SCN11A: variants seen among roughly 807,000 people sequenced by gnomAD.
The protein encoded by SCN11A is sodium voltage-gated channel alpha subunit 11.
A neutral mutation model predicts 162.2 loss-of-function variants in SCN11A; 122 were observed. The observed-to-expected ratio is 0.75, with a 90% CI of 0.65 to 0.87. The LOEUF is 0.87. Ranked by LOEUF, SCN11A falls within the 40% of genes least tolerant of loss-of-function variation. The pLI, the probability that SCN11A is intolerant of heterozygous loss-of-function variation, is 0.00. For synonymous variants in SCN11A, 758 were observed against 751.5 expected (o/e 1.01, Z -0.14); for missense variants, 2,015 against 2,181.6 (o/e 0.92, Z 1.52).
chr3:38,886,382 C>T (rs1326660526), intron 19 of SCN11A, 144 bp from the exon 20 acceptor site: 2 of 486,592 alleles, frequency 4.1e-6, no homozygotes, highest in South Asian at 5.0e-5. Flanking sequence ...TTAGAAACTG[C>T]TCCTGGAAAA....
At chr3:38,981,165 G>A (rs945111139) in intron 2 of SCN11A, among the ~76,000 whole-genome samples, 1 of 152,186 alleles carries the variant, frequency 6.6e-6, no homozygotes, top group African/African-American at 2.4e-5. Context: ...TACAGTTTAT[G>A]CTGTGGTTCT....
chr3:38,916,089 T>C (rs1356823198), intron 11 of SCN11A, among the ~76,000 whole-genome samples: 1 of 152,212 alleles, frequency 6.6e-6, no homozygotes, highest in Admixed American at 6.5e-5. Flanking sequence ...TCTTTGTTGG[T>C]TTAAAGTCTG....
intron 7 of SCN11A, among the ~76,000 whole-genome samples, chr3:38,932,261 C>G (rs2066252464): frequency 1.3e-5 from 2 of 152,216 alleles, no homozygotes; most frequent in Admixed American, 6.5e-5. Context: ...CGAATAGGAA[C>G]AGCTCCAGTC....
intron 14 of SCN11A, among the ~76,000 whole-genome samples, chr3:38,907,350 C>CATATATA (rs1559523584): frequency 1.9e-5 from 1 of 51,488 alleles, no homozygotes; most frequent in African/African-American, 3.7e-5. Flanking sequence ...GTGTATATAT[C>CATATATA]TATATATACA....
At chr3:39,004,737 T>A (rs947503038) in intron 2 of SCN11A, among the ~76,000 whole-genome samples, 20 of 152,200 alleles carry the variant, frequency 1.3e-4, no homozygotes, top group African/African-American at 4.6e-4. Flanking sequence ...GTACAGAATA[T>A]GAAAATATCT....
At chr3:38,935,741 C>T (rs1447760252) in intron 7 of SCN11A, among the ~76,000 whole-genome samples, 1 of 152,034 alleles carries the variant, frequency 6.6e-6, no homozygotes, top group African/African-American at 2.4e-5. Flanking sequence ...GCTTACCAAC[C>T]AAAAAGAGTC....
chr3:38,883,446 C>A, intron 21 of SCN11A, 59 bp from the exon 22 acceptor site: 1 of 1,507,010 alleles, frequency 6.6e-7, no homozygotes, highest in Non-Finnish European at 9.1e-7. Flanking sequence ...CATTAAAATG[C>A]AACTCTTCAC....
intron 2 of SCN11A, among the ~76,000 whole-genome samples, chr3:38,973,408 AC>A (rs1425906271): frequency 1.3e-5 from 2 of 150,504 alleles, no homozygotes; most frequent in Non-Finnish European, 3.0e-5. Flanking sequence ...TGAGATACAC[AC>A]ACACACACAC....
At position 38,915,271 on chromosome 3, in the gene SCN11A, T is replaced by C. The variant is rs74994648; in HGVS notation, c.959+4664A>G. On this transcript the variant is annotated intron_variant, in intron 11 of 29. Transcript: ENST00000302328. Reference sequence around the variant, plus strand: ...GTTTTTAGCAGTTTTTAATGGTTATTTTTATTTCTGTGGGGTCAGTGGTAA... The same window carrying C: ...GTTTTTAGCAGTTTTTAATGGTTATCTTTATTTCTGTGGGGTCAGTGGTAA... Among the ~76,000 whole-genome samples, 741 of 152,246 alleles carry C rather than the reference T, an allele frequency of 4.9e-3. 6 individuals are homozygous for C. Among genetic ancestry groups the C allele is most frequent in the African/African-American group, 0.017 (710 of 41,546 alleles).
At chr3:39,018,052 A>G (rs1169429260) in intron 2 of SCN11A, among the ~76,000 whole-genome samples, 1 of 152,244 alleles carries the variant, frequency 6.6e-6, no homozygotes, top group Non-Finnish European at 1.5e-5. Context: ...AAACTGCAAC[A>G]GCATTCATTT....
At chr3:39,040,974 C>T (rs568378776) in intron 1 of SCN11A, among the ~76,000 whole-genome samples, 112 of 151,976 alleles carry the variant, frequency 7.4e-4, no homozygotes, top group Non-Finnish European at 1.4e-3. Flanking sequence ...CCCAGCTACT[C>T]GGGAGGCTGA....
chr3:39,021,819 T>A lies in SCN11A; in HGVS notation c.-280+10561A>T, dbSNP rs2031459602. Among the ~76,000 whole-genome samples the A allele has an allele frequency of 3.9e-5, 6 of 152,146 alleles. No homozygotes were observed. In the South Asian group the frequency reaches 1.2e-3, roughly 32 times the overall value. On this transcript the variant is annotated intron_variant, in intron 2 of 29. Coordinates refer to ENST00000302328, the MANE Select transcript of SCN11A (RefSeq NM_001349253.2). ...GAACAACATTTTCTAGAAGCTTCTG[T>A]AAACTAAAAATAAAATTCTAAGCCC...
chr3:38,867,572 T>C, intron 26 of SCN11A, 114 bp from the exon 27 acceptor site: 2 of 744,974 alleles, frequency 2.7e-6, no homozygotes, highest in Non-Finnish European at 4.3e-6. Context: ...ATTGACTACA[T>C]AGCCTCTTCC....
intron 7 of SCN11A, among the ~76,000 whole-genome samples, chr3:38,928,517 T>C (rs1437587558): frequency 6.6e-6 from 1 of 151,978 alleles, no homozygotes; most frequent in African/African-American, 2.4e-5. Context: ...TGCACCTGTA[T>C]CCCAGAACTT....
rs764243099 is a variant in SCN11A at position 38,897,237 on chromosome 3, G to A, written c.2023-12C>T. The A allele has an allele frequency of 1.3e-6, 2 of 1,569,514 alleles. No homozygotes were observed. Among genetic ancestry groups the A allele is most frequent in the Non-Finnish European group, 8.6e-7 (1 of 1,161,506 alleles). ...TTGAAGACCCTGAGCTGTAGAAAAA[G>A]ACAACAAACAAAAATGGAAGAAAAG... is the stretch of plus-strand genomic sequence containing the variant. On this transcript the variant is annotated splice_polypyrimidine_tract_variant and intron_variant, in intron 17 of 29. Coordinates refer to ENST00000302328, the MANE Select transcript of SCN11A (RefSeq NM_001349253.2).
At chr3:38,954,219 T>C (rs1242150943) in intron 3 of SCN11A, among the ~76,000 whole-genome samples, 2 of 152,168 alleles carry the variant, frequency 1.3e-5, no homozygotes, top group African/African-American at 4.8e-5. Flanking sequence ...AATTTCCCCC[T>C]CCTCATGAAC....
In SCN11A at chr3:38,907,355, TATACACAC is replaced by T. The variant is rs1485435323; in HGVS notation, c.1473+586_1473+593del. On this transcript the variant is annotated intron_variant, in intron 14 of 29. Transcript: ENST00000302328. ...GTGTGTGTGTGTGTATATATCTATA[TATACACAC>T]ACACACACACACACACACACACACA... Among the ~76,000 whole-genome samples the T allele has an allele frequency of 3.8e-3, 95 of 24,886 alleles. 1 individual carries two copies. The South Asian group carries it at 0.04, about 11-fold the overall frequency. The allele number at this position is 24,886 out of a possible 152,430, so 16.3% of individuals were successfully genotyped here. A position where few individuals can be genotyped will look rare whatever the true frequency, so the allele number is the denominator to read the frequency against.
intron 23 of SCN11A, among the ~76,000 whole-genome samples, chr3:38,879,640 AC>A (rs529246138): frequency 2.2e-4 from 34 of 152,298 alleles, no homozygotes; most frequent in Admixed American, 2.0e-3. Context: ...AATCGAGGAT[AC>A]TGAAAGTTAT....
Position 38,897,119 on chromosome 3 carries a change from A to G in SCN11A, c.2129T>C (p.Ile710Thr), listed in dbSNP as rs2126118350. The G allele has an allele frequency of 1.2e-6, 2 of 1,614,120 alleles. No individual in the cohort carries two copies. Among genetic ancestry groups the G allele is most frequent in the Non-Finnish European group, 8.5e-7 (1 of 1,180,000 alleles). ...AACTACTGAGAAAATAAAGATCACAATGACCAGGACCACAGTCAGGCTTCC... is the reference window on the plus strand; with the variant it reads ...AACTACTGAGAAAATAAAGATCACAGTGACCAGGACCACAGTCAGGCTTCC... Reference protein sequence around the residue: ...ALGSLTVVLVIVIFIFSVVGM... With the variant: ...ALGSLTVVLVTVIFIFSVVGM... Residue 710 changes from isoleucine (I) to threonine (T), a missense_variant, in exon 18 of 30, where the codon ATT (isoleucine) becomes ACT (threonine). Coordinates refer to ENST00000302328, the MANE Select transcript of SCN11A (RefSeq NM_001349253.2).
Sources: gnomAD v4.1 joint callset for allele counts (sites outside exome capture counted in the v4.1 genomes callset) on GRCh38, gnomAD v4.1.1 for gene constraint, MANE v1.5 for transcripts, NCBI Gene and HGNC (gene_info 2026-07-23, HGNC 2026-07-21) for gene names.